The following TTC27 variants were observed in gnomAD, a reference collection of about 807,000 sequenced individuals.
TTC27 encodes tetratricopeptide repeat protein 27.
TTC27 carries 79 observed loss-of-function variants against 115.9 expected under a neutral mutation model. That is an observed-to-expected ratio of 0.68 (90% CI 0.57 to 0.82). The LOEUF (loss-of-function observed/expected upper bound fraction) is 0.82, where lower values mean the gene tolerates loss of function less well. Among genes scored for constraint, TTC27 ranks in the 40% least tolerant of loss-of-function variants. The probability of loss-of-function intolerance (pLI) is 0.00; values close to 1 mark genes in which losing one functional copy is unlikely to be tolerated. For synonymous variants in TTC27, 401 were observed against 356.0 expected, an observed-to-expected ratio of 1.13 and a Z score of -1.42; for missense variants, 1,054 against 993.1, an observed-to-expected ratio of 1.06 and a Z score of -0.82.
At chr2:32,636,849 G>C (rs1664447660) in intron 3 of TTC27, among the ~76,000 whole-genome samples, 2 of 152,172 alleles carry the variant, frequency 1.3e-5, no homozygotes, top group African/African-American at 2.4e-5. Flanking sequence ...CTGAAGGATG[G>C]TTAGAAAATG....
At chr2:32,634,189 C>G (rs569028021) in intron 3 of TTC27, among the ~76,000 whole-genome samples, 184 bp downstream of exon 3, 121 of 152,232 alleles carry the variant, frequency 7.9e-4, no homozygotes, top group Non-Finnish European at 1.1e-3. Flanking sequence ...TTGTCAAACT[C>G]CTCTTCATAC....
At chr2:32,631,679 A>G (rs1356552756) in intron 2 of TTC27, among the ~76,000 whole-genome samples, 2 of 152,244 alleles carry the variant, frequency 1.3e-5, no homozygotes, top group Non-Finnish European at 2.9e-5. Context: ...TAGTCCTTCA[A>G]CAAATAAACT....
At chr2:32,800,872 AAAAG>A (rs1165353355) in intron 16 of TTC27, among the ~76,000 whole-genome samples, 1 of 152,218 alleles carries the variant, frequency 6.6e-6, no homozygotes, top group Non-Finnish European at 1.5e-5. Flanking sequence ...TAGAAACACT[AAAAG>A]AAAGTATGGC....
At chr2:32,819,996 T>C (rs1206659462) in intron 19 of TTC27, among the ~76,000 whole-genome samples, 2 of 152,204 alleles carry the variant, frequency 1.3e-5, no homozygotes, top group Non-Finnish European at 2.9e-5. Flanking sequence ...CTAAAAGGTG[T>C]TTTCTCTGCT....
intron 9 of TTC27, among the ~76,000 whole-genome samples, chr2:32,682,317 G>C (rs757345529): frequency 3.9e-4 from 59 of 152,146 alleles, no homozygotes; most frequent in Non-Finnish European, 6.6e-4. Flanking sequence ...GGGGGAAAGA[G>C]AAAATGCCCC....
At chr2:32,707,755 G>T (rs529308674) in intron 10 of TTC27, among the ~76,000 whole-genome samples, 1 of 152,112 alleles carries the variant, frequency 6.6e-6, no homozygotes, top group South Asian at 2.1e-4. Flanking sequence ...CCATAGCTCT[G>T]TCCACTGAGA....
Position 32,628,297 on chromosome 2 carries a change from G to C in TTC27, c.5G>C (p.Trp2Ser). The C allele has an allele frequency of 6.2e-7, 1 of 1,604,424 alleles. No homozygotes were observed. Among genetic ancestry groups the C allele is most frequent in the Non-Finnish European group, 8.5e-7 (1 of 1,176,800 alleles). The change falls in exon 1 of 20, where the codon TGG becomes TCG. Residue 2 changes from tryptophan (W) to serine (S), a missense_variant. By Grantham distance (177) the Trp-to-Ser change is radical (BLOSUM62 -3). Coordinates refer to ENST00000317907, the MANE Select transcript of TTC27 (RefSeq NM_017735.5). The part of the protein sequence containing the change: M[W>S]TPELAILRGF... ...GCTGCAGCGGTGTCTGGGGTGATGT[G>C]GACCCCGGAGCTGGCAATTCTGAGG...
chr2:32,640,445 A>G, intron 4 of TTC27, 35 bp downstream of exon 4: 1 of 1,606,348 alleles, frequency 6.2e-7, no homozygotes, highest in Non-Finnish European at 8.5e-7. Context: ...ATACCCTGGT[A>G]TGACTTTTGT....
intron 5 of TTC27, among the ~76,000 whole-genome samples, chr2:32,660,721 C>A (rs1182174316): frequency 1.3e-5 from 2 of 152,170 alleles, no homozygotes; most frequent in South Asian, 4.1e-4. Context: ...TGTAGGTTGC[C>A]TGTTCACTCT....
At chr2:32,738,949 A>C (rs1201819686) in intron 12 of TTC27, among the ~76,000 whole-genome samples, 2 of 152,228 alleles carry the variant, frequency 1.3e-5, no homozygotes, top group African/African-American at 2.4e-5. Flanking sequence ...AATTTTTCTG[A>C]ATAGACTGAA....
chr2:32,674,005 A>G (rs573383306), intron 8 of TTC27, among the ~76,000 whole-genome samples: 1 of 152,246 alleles, frequency 6.6e-6, no homozygotes, highest in South Asian at 2.1e-4. Flanking sequence ...AATTCTTTGA[A>G]AGGTAATTTT....
At chr2:32,798,953 A>G (rs112867636) in intron 16 of TTC27, among the ~76,000 whole-genome samples, 2,565 of 152,320 alleles carry the variant, frequency 0.017, 67 homozygotes, top group African/African-American at 0.058. Context: ...TCATAGCAGC[A>G]TTATTCACAT....
intron 12 of TTC27, among the ~76,000 whole-genome samples, chr2:32,752,275 G>A (rs1669046302): frequency 6.6e-6 from 1 of 152,122 alleles, no homozygotes; most frequent in Admixed American, 6.5e-5. Context: ...ATATCATCTG[G>A]GCCCTGTTGG....
At position 32,773,788 on chromosome 2, in the gene TTC27, T is replaced by C. The variant is rs529848940; in HGVS notation, c.1681-4094T>C. On this transcript the variant is annotated intron_variant, in intron 13 of 19. Coordinates refer to ENST00000317907, the MANE Select transcript of TTC27 (RefSeq NM_017735.5). Reference sequence around the variant, plus strand: ...GTAAAGAGAGGAACAGGAGTAACTATAATATATGAAAGAAGCTCAAGGGAG... The same window carrying C: ...GTAAAGAGAGGAACAGGAGTAACTACAATATATGAAAGAAGCTCAAGGGAG... 2.6e-5 allele frequency among the ~76,000 whole-genome samples: 4 copies of C among 152,348 alleles called. 1 individual carries two copies. Among genetic ancestry groups the C allele is most frequent in the African/African-American group, 7.2e-5 (3 of 41,584 alleles).
intron 8 of TTC27, 123 bp downstream of exon 8, chr2:32,672,507 T>C: frequency 1.5e-6 from 1 of 661,880 alleles, no homozygotes; most frequent in Non-Finnish European, 2.6e-6. Flanking sequence ...GTAGTGCTTA[T>C]GAAGATCAGA....
At chr2:32,790,181 T>C (rs1427101813) in intron 16 of TTC27, among the ~76,000 whole-genome samples, 4 of 152,060 alleles carry the variant, frequency 2.6e-5, no homozygotes, top group Non-Finnish European at 5.9e-5. Context: ...ATTTTCAATA[T>C]AGCAAAATTG....
chr2:32,755,365 G>A (rs980277441), intron 12 of TTC27, among the ~76,000 whole-genome samples: 14 of 152,200 alleles, frequency 9.2e-5, no homozygotes, highest in Non-Finnish European at 1.8e-4. Flanking sequence ...CGGATCACTC[G>A]CGGTTAGGAG....
intron 16 of TTC27, among the ~76,000 whole-genome samples, chr2:32,794,480 G>A (rs914157412): frequency 2.6e-5 from 4 of 152,098 alleles, no homozygotes; most frequent in Non-Finnish European, 5.9e-5. Flanking sequence ...AACTCTAAAT[G>A]CTTACTTTAA....
intron 16 of TTC27, among the ~76,000 whole-genome samples, chr2:32,798,647 G>A (rs1670802172): frequency 6.7e-6 from 1 of 148,690 alleles, no homozygotes; most frequent in Non-Finnish European, 1.5e-5. Context: ...GGAGCTTACC[G>A]TGAGCCAAGA....
Sources: allele counts gnomAD v4.1 joint callset (sites outside exome capture counted in the v4.1 genomes callset), GRCh38; gene constraint gnomAD v4.1.1; transcripts MANE v1.5; gene names NCBI Gene and HGNC (gene_info 2026-07-23, HGNC 2026-07-21).